STXBP5L: variants seen among roughly 807,000 people sequenced by gnomAD.
STXBP5L encodes syntaxin-binding protein 5-like.
Under a neutral mutation model 144.5 loss-of-function variants are expected in STXBP5L, and 65 were observed. The ratio of observed to expected loss-of-function variants is 0.45; its 90% CI spans 0.37 to 0.55. STXBP5L has a LOEUF of 0.55. Among genes scored for constraint, STXBP5L ranks in the 20% least tolerant of loss-of-function variants. The probability of loss-of-function intolerance (pLI) is 0.00; values close to 1 mark genes in which losing one functional copy is unlikely to be tolerated. For synonymous variants in STXBP5L, 505 were observed against 469.6 expected, an observed-to-expected ratio of 1.08 and a Z score of -0.97; for missense variants, 1,298 against 1,405.5, an observed-to-expected ratio of 0.92 and a Z score of 1.22.
At chr3:121,341,543 T>TTTGGAAGAAAGGAAATTTGGAAAGAAAG (rs1307366599) in intron 20 of STXBP5L, among the ~76,000 whole-genome samples, 117 of 152,236 alleles carry the variant, frequency 7.7e-4, no homozygotes, top group Non-Finnish European at 1.5e-3. Context: ...AGGAAATTTG[T>TTTGGAAGAAAGGAAATTTGGAAAGAAAG]ATATGGAAGA....
intron 9 of STXBP5L, among the ~76,000 whole-genome samples, chr3:121,169,920 T>G (rs201767330): frequency 6.6e-6 from 1 of 152,176 alleles, no homozygotes; most frequent in Admixed American, 6.5e-5. Context: ...ACTGCACTTA[T>G]TCTAAAATTG....
At chr3:120,961,826 C>A (rs565785778) in intron 3 of STXBP5L, among the ~76,000 whole-genome samples, 1 of 152,190 alleles carries the variant, frequency 6.6e-6, no homozygotes, top group African/African-American at 2.4e-5. Context: ...ACTTGTAGTT[C>A]TAGATCCTTG....
chr3:121,092,170 G>C (rs1290002721), intron 5 of STXBP5L, among the ~76,000 whole-genome samples: 2 of 152,100 alleles, frequency 1.3e-5, no homozygotes, highest in Non-Finnish European at 2.9e-5. Flanking sequence ...TTTGGTTACT[G>C]TAGCCTTGTA....
intron 22 of STXBP5L, among the ~76,000 whole-genome samples, chr3:121,400,154 G>A (rs151028403): frequency 3.9e-4 from 60 of 152,282 alleles, no homozygotes; most frequent in Non-Finnish European, 8.4e-4. Flanking sequence ...TGTAAGTAAA[G>A]ACCAATGAGA....
intron 5 of STXBP5L, among the ~76,000 whole-genome samples, chr3:121,054,036 A>G (rs1447959744): frequency 2.0e-5 from 3 of 152,140 alleles, no homozygotes; most frequent in African/African-American, 4.8e-5. Context: ...CAAAACCACA[A>G]TGAGATACCA....
At chr3:120,927,314 A>T (rs1709690787) in intron 2 of STXBP5L, among the ~76,000 whole-genome samples, 1 of 152,196 alleles carries the variant, frequency 6.6e-6, no homozygotes, top group African/African-American at 2.4e-5. Context: ...AGCAGACCTG[A>T]TGGATGAACT....
chr3:121,015,000 G>T (rs759144517), intron 3 of STXBP5L, among the ~76,000 whole-genome samples: 8 of 152,048 alleles, frequency 5.3e-5, no homozygotes, highest in Non-Finnish European at 1.2e-4. Context: ...AAACACAGCA[G>T]ATAGAAATTA....
At chr3:120,939,181 G>A (rs999441447) in intron 2 of STXBP5L, among the ~76,000 whole-genome samples, 22 of 152,224 alleles carry the variant, frequency 1.4e-4, no homozygotes, top group Admixed American at 2.0e-4. Context: ...TATAATCCAC[G>A]TAAAGTGTTT....
At chr3:121,243,858 G>A (rs1190267877) in intron 14 of STXBP5L, among the ~76,000 whole-genome samples, 1 of 152,132 alleles carries the variant, frequency 6.6e-6, no homozygotes, top group East Asian at 1.9e-4. Context: ...TTGTACAGTT[G>A]TTGGCTGAGG....
intron 3 of STXBP5L, among the ~76,000 whole-genome samples, chr3:121,018,763 A>G (rs1228388518): frequency 6.6e-6 from 1 of 152,242 alleles, no homozygotes; most frequent in Non-Finnish European, 1.5e-5. Context: ...AGGCGGAACT[A>G]ACTTGCAGCT....
chr3:120,961,347 C>T (rs970815419), intron 3 of STXBP5L, among the ~76,000 whole-genome samples: 10 of 151,286 alleles, frequency 6.6e-5, no homozygotes, highest in Non-Finnish European at 1.0e-4. Context: ...CATAGGTATA[C>T]GTGTACCATG....
intron 19 of STXBP5L, among the ~76,000 whole-genome samples, chr3:121,297,491 C>A (rs540700688): frequency 6.6e-6 from 1 of 152,084 alleles, no homozygotes; most frequent in Non-Finnish European, 1.5e-5. Context: ...TGGTGGCTCA[C>A]GCCTATAATC....
rs73855380 is a variant in STXBP5L at position 121,381,245 on chromosome 3, G to A, written c.2348-48G>A. The stretch of plus-strand genomic sequence containing the variant: ...TATATATTAAATCTGATGTTATTGT[G>A]GAAATATACTAACAATTTGTGTGGT... On this transcript the variant is annotated intron_variant, in intron 21 of 26. Coordinates refer to ENST00000471454, the MANE Select transcript of STXBP5L (RefSeq NM_001308330.2). 4.2e-3 allele frequency: 6,263 copies of A among 1,507,408 alleles called. 225 individuals are homozygous for A. The African/African-American group carries it at 0.079, about 19-fold the overall frequency. 93.4% of individuals were successfully genotyped at this position (1,507,408 alleles called of 1,614,324 possible). A position where few individuals can be genotyped will look rare whatever the true frequency, so the allele number is the denominator to read the frequency against.
At chr3:120,987,328 T>A (rs1240666459) in intron 3 of STXBP5L, among the ~76,000 whole-genome samples, 2 of 152,008 alleles carry the variant, frequency 1.3e-5, no homozygotes, top group African/African-American at 4.8e-5. Flanking sequence ...GATAATGCTG[T>A]AGTAAGAACT....
intron 2 of STXBP5L, among the ~76,000 whole-genome samples, chr3:120,934,817 T>A (rs974006509): frequency 1.3e-5 from 2 of 152,052 alleles, no homozygotes; most frequent in African/African-American, 4.8e-5. Flanking sequence ...TAGCTACACC[T>A]GTTTTATTTT....
intron 20 of STXBP5L, among the ~76,000 whole-genome samples, chr3:121,376,750 C>CT (rs932053496): frequency 6.6e-6 from 1 of 151,994 alleles, no homozygotes; most frequent in Non-Finnish European, 1.5e-5. Flanking sequence ...CTTAAAGTAG[C>CT]TTTTTTTCTA....
At chr3:121,201,525 T>A (rs994772942) in intron 9 of STXBP5L, among the ~76,000 whole-genome samples, 6 of 152,216 alleles carry the variant, frequency 3.9e-5, no homozygotes, top group Non-Finnish European at 7.3e-5. Flanking sequence ...AATGTTAATA[T>A]TGTTATGTGT....
chr3:121,206,312 A>G (rs748640291), intron 10 of STXBP5L, among the ~76,000 whole-genome samples: 2 of 152,148 alleles, frequency 1.3e-5, no homozygotes, highest in Non-Finnish European at 2.9e-5. Flanking sequence ...AGCAGAAGCA[A>G]TGTGCCCGTT....
chr3:120,966,600 A>G (rs1293458450), intron 3 of STXBP5L, among the ~76,000 whole-genome samples: 1 of 152,136 alleles, frequency 6.6e-6, no homozygotes, highest in African/African-American at 2.4e-5. Context: ...TTGCCTGGGT[A>G]TCACCATTGG....
Sources: gnomAD v4.1 joint callset for allele counts (sites outside exome capture counted in the v4.1 genomes callset) on GRCh38, gnomAD v4.1.1 for gene constraint, MANE v1.5 for transcripts, NCBI Gene and HGNC (gene_info 2026-07-23, HGNC 2026-07-21) for gene names.